NAA25: variants seen among roughly 807,000 people sequenced by gnomAD.
NAA25 encodes the protein N-terminal acetyltransferase B complex subunit NAA25.
A neutral mutation model predicts 132.5 loss-of-function variants in NAA25; 30 were observed. That is an observed-to-expected ratio of 0.23 (90% CI 0.17 to 0.31). The LOEUF (loss-of-function observed/expected upper bound fraction) is 0.31. Ranked by LOEUF, NAA25 falls within the 10% of genes least tolerant of loss-of-function variation. The pLI, the probability that NAA25 is intolerant of heterozygous loss-of-function variation, is 1.00. For synonymous variants in NAA25, 359 were observed against 401.9 expected, an observed-to-expected ratio of 0.89 and a Z score of 1.28; for missense variants, 771 against 1,150.4, an observed-to-expected ratio of 0.67 and a Z score of 4.77.
In NAA25 at chr12:112,048,171, T is replaced by C. The variant is rs1040507302; in HGVS notation, c.1880+121A>G. ...TGCCAAGTTCTGTTTCCCCACTGTCTCTCTCCCTTTTTTCCCCCTATTTTA... is the reference window on the plus strand; with the variant it reads ...TGCCAAGTTCTGTTTCCCCACTGTCCCTCTCCCTTTTTTCCCCCTATTTTA... On this transcript the variant is annotated intron_variant, in intron 16 of 23. Coordinates refer to ENST00000261745, the MANE Select transcript of NAA25 (RefSeq NM_024953.4). The C allele has an allele frequency of 4.3e-6, 4 of 922,556 alleles. No homozygotes were observed. The African/African-American group carries it at 6.6e-5, about 15-fold the overall frequency. 57.1% of individuals were successfully genotyped at this position (922,556 alleles called of 1,614,324 possible).
intron 22 of NAA25, among the ~76,000 whole-genome samples, chr12:112,036,885 G>T (rs747664693): frequency 5.3e-5 from 8 of 151,576 alleles, no homozygotes; most frequent in Non-Finnish European, 4.4e-5. Context: ...GCGTGTGTGT[G>T]TGTGTGTGCA....
intron 11 of NAA25, among the ~76,000 whole-genome samples, chr12:112,064,690 T>C (rs1056160365): frequency 6.6e-6 from 1 of 152,250 alleles, no homozygotes; most frequent in Non-Finnish European, 1.5e-5. Context: ...AATCTGCTCA[T>C]TATTTTAGTC....
chr12:112,035,267 G>A (rs1222485896), intron 22 of NAA25: 1 of 152,022 alleles, frequency 6.6e-6, no homozygotes, highest in Non-Finnish European at 1.5e-5. Flanking sequence ...ATGTTCTAGG[G>A]CTGAAAGCTT....
chr12:112,053,268 T>A (rs1424213570), intron 15 of NAA25, among the ~76,000 whole-genome samples: 1 of 152,172 alleles, frequency 6.6e-6, no homozygotes, highest in Non-Finnish European at 1.5e-5. Context: ...CTTGGAAAAG[T>A]CTCTTAGAGA....
At chr12:112,030,485 T>G (rs1415516117) in intron 23 of NAA25, among the ~76,000 whole-genome samples, 1 of 152,126 alleles carries the variant, frequency 6.6e-6, no homozygotes, top group Non-Finnish European at 1.5e-5. Flanking sequence ...TATTAACAAG[T>G]CTCCTCCATA....
intron 22 of NAA25, chr12:112,033,596 A>G: frequency 3.1e-6 from 1 of 321,258 alleles, no homozygotes; most frequent in Non-Finnish European, 5.4e-6. Flanking sequence ...TAAATACTTA[A>G]ATAAAAAAAA....
At chr12:112,062,883 A>AAAAC (rs1228035717) in intron 11 of NAA25, among the ~76,000 whole-genome samples, 21 of 151,900 alleles carry the variant, frequency 1.4e-4, no homozygotes, top group Non-Finnish European at 2.2e-4. Flanking sequence ...CTCTACTAAA[A>AAAAC]AAACAAACAA....
Position 112,092,098 on chromosome 12 carries a change from G to A in NAA25, c.144+953C>T, listed in dbSNP as rs540989801. On this transcript the variant is annotated intron_variant, in intron 2 of 23. Coordinates refer to ENST00000261745, the MANE Select transcript of NAA25 (RefSeq NM_024953.4). ...TACTAAAAATACAAAAAAATTAGCC[G>A]GGCGTGGTAGGACGCGCCTGTAGTC... Among the ~76,000 whole-genome samples the A allele has an allele frequency of 1.5e-3, 233 of 151,914 alleles. 3 individuals carry two copies. Among genetic ancestry groups the A allele is most frequent in the African/African-American group, 5.4e-3 (222 of 41,452 alleles).
intron 1 of NAA25, among the ~76,000 whole-genome samples, chr12:112,101,868 CTT>C (rs112312296): frequency 1.7e-4 from 24 of 142,152 alleles, no homozygotes; most frequent in Admixed American, 1.4e-4. Flanking sequence ...ATCTTTTCAA[CTT>C]TTTTTTTTTT....
intron 11 of NAA25, chr12:112,064,081 A>G (rs1046907898): frequency 3.9e-5 from 6 of 152,220 alleles, no homozygotes; most frequent in Non-Finnish European, 8.8e-5. Context: ...AAAAAAAATT[A>G]AAACAAAATC....
chr12:112,056,107 G>A (rs2078540678), intron 13 of NAA25, among the ~76,000 whole-genome samples: 1 of 152,188 alleles, frequency 6.6e-6, no homozygotes, highest in Admixed American at 6.5e-5. Flanking sequence ...GGCCAGGGAA[G>A]CGGATCACCT....
At chr12:112,068,186 C>T (rs892629395) in intron 11 of NAA25, among the ~76,000 whole-genome samples, 4 of 152,098 alleles carry the variant, frequency 2.6e-5, no homozygotes, top group East Asian at 1.9e-4. Flanking sequence ...ACTACAGGCA[C>T]GTGCCACCGT....
In NAA25 at chr12:112,054,531, C is replaced by T; in HGVS notation, c.1485G>A (p.Leu495=). 6.2e-7 allele frequency: 1 copy of T among 1,614,000 alleles called. No homozygotes were observed. The highest frequency in any genetic ancestry group is 8.5e-7 in the Non-Finnish European group (1 of 1,179,986). The change falls in exon 14 of 24, where the codon CTG becomes CTA. Residue 495 remains leucine (L), a synonymous_variant. Transcript: ENST00000261745. ...AAGGGCTATGGGTTAATCCCTCTTC[C>T]AGCAAAGTCAGGGCCTGCCACACAG... ...ETTVWQALTL[L]EEGLTHSPSN...
At chr12:112,077,079 C>T (rs940329271) in intron 7 of NAA25, among the ~76,000 whole-genome samples, 7 of 152,006 alleles carry the variant, frequency 4.6e-5, no homozygotes, top group Non-Finnish European at 1.0e-4. Context: ...AAGTAAATTT[C>T]TACATTCACA....
chr12:112,053,517 C>A (rs762013631), intron 15 of NAA25, 41 bp downstream of exon 15: 1 of 1,391,242 alleles, frequency 7.2e-7, no homozygotes, highest in South Asian at 1.2e-5. Context: ...AGTGTGCAGT[C>A]AGCAGACAAG....
Position 112,090,798 on chromosome 12 carries a change from C to T in NAA25, c.211G>A (p.Val71Met). 6.2e-7 allele frequency: 1 copy of T among 1,613,962 alleles called. No individual in the cohort carries two copies. Among genetic ancestry groups the T allele is most frequent in the East Asian group, 2.2e-5 (1 of 44,878 alleles). Residue 71 changes from valine (V) to methionine (M), a missense_variant, in exon 3 of 24, where the codon GTG becomes ATG. By Grantham distance (21) the Val-to-Met change is conservative. Around this residue, in one of 3 missense-constraint regions of NAA25, gnomAD observed 417 missense variants for 733.8 expected, o/e 0.57. Transcript: ENST00000261745. ...QEEAFTLAQE[V>M]AALEPTDDNS... Reference sequence around the variant, plus strand: ...TCATCTGTGGGTTCAAGGGCTGCCACCTCCTGTGCAAGAGTAAAGGCTTCC... The same window carrying T: ...TCATCTGTGGGTTCAAGGGCTGCCATCTCCTGTGCAAGAGTAAAGGCTTCC...
At chr12:112,068,838 A>C (rs1235049427) in intron 11 of NAA25, 42 bp downstream of exon 11, 2 of 1,118,452 alleles carry the variant, frequency 1.8e-6, no homozygotes, top group East Asian at 2.4e-5. Flanking sequence ...TGTTTCAACA[A>C]ATAGAGGCAC....
chr12:112,076,044 G>A (rs757040498), intron 7 of NAA25, among the ~76,000 whole-genome samples: 43 of 151,898 alleles, frequency 2.8e-4, no homozygotes, highest in Non-Finnish European at 5.3e-4. Flanking sequence ...CACCACGCCT[G>A]GCTAATTTTT....
chr12:112,038,018 G>T (rs1472519658), intron 22 of NAA25, among the ~76,000 whole-genome samples: 1 of 152,022 alleles, frequency 6.6e-6, no homozygotes, highest in South Asian at 2.1e-4. Context: ...TTTGAATACT[G>T]ATTTTTTTTT....
Sources: allele counts gnomAD v4.1 joint callset (sites outside exome capture counted in the v4.1 genomes callset), GRCh38; gene constraint gnomAD v4.1.1; regional missense constraint gnomAD v4.1.1; transcripts MANE v1.5; gene names NCBI Gene and HGNC (gene_info 2026-07-23, HGNC 2026-07-21).